Variants in KCNH7 observed in about 807,000 individuals in gnomAD.
KCNH7 encodes the protein voltage-gated inwardly rectifying potassium channel KCNH7.
A neutral mutation model predicts 120.8 loss-of-function variants in KCNH7; 49 were observed. The ratio of observed to expected loss-of-function variants is 0.41; its 90% CI spans 0.32 to 0.51. KCNH7 has a LOEUF of 0.51. Among genes scored for constraint, KCNH7 ranks in the 20% least tolerant of loss-of-function variants. The pLI is 0.38. For missense variants in KCNH7, 1,097 were observed against 1,446.6 expected, an observed-to-expected ratio of 0.76 and a Z score of 3.92; for synonymous variants, 547 against 516.1, an observed-to-expected ratio of 1.06 and a Z score of -0.81.
chr2:162,584,698 C>G (rs551840948), intron 2 of KCNH7, among the ~76,000 whole-genome samples: 1 of 152,136 alleles, frequency 6.6e-6, no homozygotes, highest in East Asian at 1.9e-4. Context: ...CAAGTTTACA[C>G]AGCATTAGAG....
chr2:162,625,654 C>G (rs1683528021), intron 2 of KCNH7, among the ~76,000 whole-genome samples: 2 of 152,168 alleles, frequency 1.3e-5, no homozygotes, highest in Admixed American at 6.5e-5. Flanking sequence ...CTCCACCTCA[C>G]CTCACAGGGT....
At chr2:162,678,430 A>C (rs1180029019) in intron 2 of KCNH7, among the ~76,000 whole-genome samples, 2 of 151,466 alleles carry the variant, frequency 1.3e-5, no homozygotes, top group East Asian at 1.9e-4. Flanking sequence ...AGCTGATCAA[A>C]GATTTTCATC....
chr2:162,407,094 T>C (rs1222306949), intron 9 of KCNH7, among the ~76,000 whole-genome samples: 2 of 152,024 alleles, frequency 1.3e-5, no homozygotes, highest in East Asian at 3.9e-4. Flanking sequence ...TGTATAAACA[T>C]CACATAAGGC....
At chr2:162,732,186 G>A (rs1029034593) in intron 2 of KCNH7, among the ~76,000 whole-genome samples, 10 of 152,054 alleles carry the variant, frequency 6.6e-5, no homozygotes, top group African/African-American at 2.4e-4. Flanking sequence ...GAAGAGGATG[G>A]CAATACTCTT....
intron 2 of KCNH7, among the ~76,000 whole-genome samples, chr2:162,720,299 TAAAA>T (rs59618789): frequency 0.11 from 10,658 of 97,202 alleles, 1,282 homozygotes; most frequent in African/African-American, 0.3. Flanking sequence ...GATGTGTGAT[TAAAA>T]AAAAAAAAAA....
intron 2 of KCNH7, among the ~76,000 whole-genome samples, chr2:162,538,714 C>T (rs981516603): frequency 1.9e-4 from 29 of 152,028 alleles, no homozygotes; most frequent in African/African-American, 6.5e-4. Context: ...GAGACCGCCA[C>T]AGATCGAGGA....
intron 2 of KCNH7, among the ~76,000 whole-genome samples, chr2:162,730,594 T>C (rs1273817375): frequency 6.6e-6 from 1 of 152,024 alleles, no homozygotes; most frequent in Non-Finnish European, 1.5e-5. Flanking sequence ...TTAAAAACTG[T>C]TCCTTTCCAA....
chr2:162,561,419 T>A (rs1288154572), intron 2 of KCNH7, among the ~76,000 whole-genome samples: 1 of 152,300 alleles, frequency 6.6e-6, no homozygotes, highest in African/African-American at 2.4e-5. Flanking sequence ...GGAATGGGAT[T>A]GCTGGGTCAA....
At chr2:162,829,722 C>T (rs1387934860) in intron 2 of KCNH7, among the ~76,000 whole-genome samples, 4 of 151,428 alleles carry the variant, frequency 2.6e-5, no homozygotes, top group Non-Finnish European at 5.9e-5. Flanking sequence ...AACATATAGC[C>T]ATTAATAAAA....
At chr2:162,756,042 CTAAT>C (rs1381324561) in intron 2 of KCNH7, among the ~76,000 whole-genome samples, 4 of 152,068 alleles carry the variant, frequency 2.6e-5, no homozygotes, top group African/African-American at 7.2e-5. Context: ...GGGTTCTACT[CTAAT>C]TATGTTGACT....
chr2:162,464,474 C>G (rs1689247107), intron 6 of KCNH7, among the ~76,000 whole-genome samples: 1 of 151,884 alleles, frequency 6.6e-6, no homozygotes, highest in Non-Finnish European at 1.5e-5. Flanking sequence ...AGAAATCAAG[C>G]TAGTTTATGC....
At chr2:162,443,983 C>T (rs545237621) in intron 7 of KCNH7, among the ~76,000 whole-genome samples, 38 of 152,308 alleles carry the variant, frequency 2.5e-4, no homozygotes, top group Non-Finnish European at 5.0e-4. Context: ...GCACGGTGGT[C>T]TCATGTGGAT....
intron 2 of KCNH7, among the ~76,000 whole-genome samples, chr2:162,640,779 C>G (rs1004504864): frequency 2.6e-5 from 4 of 151,892 alleles, no homozygotes; most frequent in Non-Finnish European, 5.9e-5. Context: ...CAATGACATA[C>G]CCAGTAAAGG....
At chr2:162,553,555 A>G (rs967795633) in intron 2 of KCNH7, among the ~76,000 whole-genome samples, 2 of 152,132 alleles carry the variant, frequency 1.3e-5, no homozygotes, top group Non-Finnish European at 1.5e-5. Flanking sequence ...AGGCTGAGGC[A>G]GGAAAATGGC....
intron 2 of KCNH7, among the ~76,000 whole-genome samples, chr2:162,559,158 G>A (rs940626301): frequency 1.3e-5 from 2 of 150,192 alleles, no homozygotes; most frequent in African/African-American, 4.9e-5. Context: ...ATTTTTCAAT[G>A]TAAATGATAA....
chr2:162,803,577 A>G (rs1684422598), intron 2 of KCNH7, among the ~76,000 whole-genome samples: 3 of 151,684 alleles, frequency 2.0e-5, no homozygotes, highest in Admixed American at 2.0e-4. Context: ...GTATCATGAG[A>G]TAATATAGAA....
intron 2 of KCNH7, among the ~76,000 whole-genome samples, chr2:162,681,582 T>C (rs1432403523): frequency 6.6e-6 from 1 of 151,710 alleles, no homozygotes; most frequent in Non-Finnish European, 1.5e-5. Flanking sequence ...TAGCAGTCAG[T>C]ATAATATTCA....
chr2:162,376,042 G>C (rs1257861356), intron 14 of KCNH7, among the ~76,000 whole-genome samples: 2 of 152,030 alleles, frequency 1.3e-5, no homozygotes, highest in Non-Finnish European at 2.9e-5. Context: ...TTTTTCTTCT[G>C]TCAGCATAAT....
In KCNH7 at chr2:162,512,647, A is replaced by T; in HGVS notation, c.913+7T>A. 3 of 1,609,096 alleles carry T rather than the reference A, an allele frequency of 1.9e-6. No individual in the cohort carries two copies. Among genetic ancestry groups the T allele is most frequent in the Middle Eastern group, 1.7e-4 (1 of 6,022 alleles). On this transcript the variant is annotated splice_region_variant and intron_variant, in intron 5 of 15. Transcript: ENST00000332142. ...ATCAGATGGTGAAATTTGAGTTTGT[A>T]CATTACCTTTGACATTGCGACCATT...
Sources: gnomAD v4.1 joint callset for allele counts (sites outside exome capture counted in the v4.1 genomes callset) on GRCh38, gnomAD v4.1.1 for gene constraint, MANE v1.5 for transcripts, NCBI Gene and HGNC (gene_info 2026-07-23, HGNC 2026-07-21) for gene names.